Variants in COL4A5 observed in about 807,000 individuals in gnomAD.
COL4A5 encodes collagen alpha-5(IV) chain.
In COL4A5, 26 loss-of-function variants were observed where a neutral mutation model predicts 130.2. The ratio of observed to expected loss-of-function variants is 0.20; its 90% CI spans 0.15 to 0.28. COL4A5 has a LOEUF of 0.28. COL4A5 is among the 10% of genes least tolerant of loss of function. The probability of loss-of-function intolerance (pLI) is 1.00; values close to 1 mark genes in which losing one functional copy is unlikely to be tolerated. For missense variants in COL4A5, 1,131 were observed against 1,344.3 expected (o/e 0.84, Z 2.48); for synonymous variants, 496 against 439.6 (o/e 1.13, Z -1.60).
rs5973834 is a variant in COL4A5, at chrX:108,562,257, G to A, written c.232-1625G>A. ...TGAGGTGGCAACTCCAATGGACTGA[G>A]ATTAAACTTCAGCCATGTTATAGAA... On this transcript the variant is annotated intron_variant, in intron 3 of 52. Coordinates refer to ENST00000328300, the MANE Select transcript of COL4A5 (RefSeq NM_033380.3). 4.2e-3 allele frequency among the ~76,000 whole-genome samples: 467 copies of A among 111,760 alleles called. 3 individuals carry two copies. The highest frequency in any genetic ancestry group is 0.014 in the African/African-American group (417 of 30,818).
At chrX:108,628,889 G>A (rs1355253491) in intron 36 of COL4A5, among the ~76,000 whole-genome samples, 4 of 111,844 alleles carry the variant, frequency 3.6e-5, no homozygotes, top group African/African-American at 1.3e-4. Context: ...CCTTCAAGGA[G>A]CTTATATTTA....
Position 108,606,623 on chromosome X carries a change from T to C in COL4A5, c.2245-119T>C, listed in dbSNP as rs1603293480. On this transcript the variant is annotated intron_variant, in intron 28 of 52. Transcript: ENST00000328300. ...CTTTTTATTTAATTATCTTCTCCTC[T>C]CCCCCCATGGAAGGAAAAGTATTGT... The C allele has an allele frequency of 3.2e-5, 24 of 754,169 alleles. 1 individual carries two copies. In the East Asian group the frequency reaches 7.0e-4, roughly 22 times the overall value. 62.2% of individuals were successfully genotyped at this position (754,169 alleles called of 1,213,427 possible).
chrX:108,496,263 G>A (rs776843930), intron 1 of COL4A5, among the ~76,000 whole-genome samples: 43 of 111,071 alleles, frequency 3.9e-4, no homozygotes, highest in African/African-American at 1.4e-3. Context: ...TTATGTTTTC[G>A]TTTTCATTTT....
At chrX:108,471,751 C>A (rs180818997) in intron 1 of COL4A5, among the ~76,000 whole-genome samples, 25 of 111,434 alleles carry the variant, frequency 2.2e-4, no homozygotes, top group African/African-American at 7.8e-4. Flanking sequence ...TTTGCCCTTG[C>A]GGTATGAACT....
At chrX:108,508,578 A>G (rs1381171688) in intron 1 of COL4A5, among the ~76,000 whole-genome samples, 3 of 106,977 alleles carry the variant, frequency 2.8e-5, no homozygotes, top group African/African-American at 1.0e-4. Flanking sequence ...AAAAAAAAAA[A>G]AAAGACAAGA....
chrX:108,601,942 A>G lies in COL4A5; in HGVS notation c.2099A>G (p.Glu700Gly). 1 of 1,169,041 alleles carries G rather than the reference A, an allele frequency of 8.6e-7. No individual in the cohort carries two copies. Among genetic ancestry groups the G allele is most frequent in the Non-Finnish European group, 1.1e-6 (1 of 869,670 alleles). Residue 700 changes from glutamate to glycine, a missense_variant, in exon 27 of 53, where the codon GAA becomes GGA. Coordinates refer to ENST00000328300, the MANE Select transcript of COL4A5 (RefSeq NM_033380.3). ...CCAGGGATACCTGGTAGCAAAGGAGAACCAGGTATCCCTGGAATTGGGCTT... is the reference window on the plus strand; with the variant it reads ...CCAGGGATACCTGGTAGCAAAGGAGGACCAGGTATCCCTGGAATTGGGCTT... ...GLPGIPGSKG[E>G]PGIPGIGLPG...
chrX:108,460,826 T>A (rs1173355904), intron 1 of COL4A5, among the ~76,000 whole-genome samples: 1 of 108,847 alleles, frequency 9.2e-6, no homozygotes, highest in African/African-American at 3.3e-5. Flanking sequence ...AGGGTTTAAA[T>A]GTTTTAAAAT....
At position 108,687,551 on chromosome X, in the gene COL4A5, C is replaced by T; in HGVS notation, c.4385C>T (p.Ser1462Phe). The T allele has an allele frequency of 5.0e-6, 6 of 1,211,642 alleles. No homozygotes were observed. The highest frequency in any genetic ancestry group is 6.7e-6 in the Non-Finnish European group (6 of 895,473). The change falls in exon 49 of 53, where the codon TCC becomes TTC. Residue 1462 changes from serine (S) to phenylalanine (F), a missense_variant. Physicochemically the swap from Ser to Phe is radical, Grantham distance 155. Coordinates refer to ENST00000328300, the MANE Select transcript of COL4A5 (RefSeq NM_033380.3). ...LQGPPGPPGT[S>F]SVAHGFLITR... ...GGTCCCCCAGGTCCCCCTGGAACCT[C>T]CTCTGTTGCACATGGATTTCTTATT...
At chrX:108,664,462 T>G (rs2068033791) in intron 37 of COL4A5, among the ~76,000 whole-genome samples, 2 of 112,023 alleles carry the variant, frequency 1.8e-5, no homozygotes, top group South Asian at 7.3e-4. Flanking sequence ...AAAACCATAA[T>G]GCTTTTAGAG....
intron 36 of COL4A5, among the ~76,000 whole-genome samples, chrX:108,654,379 T>A (rs1232718445): frequency 1.8e-4 from 20 of 112,553 alleles, no homozygotes; most frequent in Admixed American, 1.3e-3. Context: ...CATGACAGAG[T>A]AAGAACCTAC....
chrX:108,576,788 C>T (rs1342538667), intron 10 of COL4A5, among the ~76,000 whole-genome samples: 1 of 112,229 alleles, frequency 8.9e-6, no homozygotes, highest in Non-Finnish European at 1.9e-5. Flanking sequence ...TGTTTGATAA[C>T]TGCTAGAAGA....
At chrX:108,445,411 A>G (rs944504551) in intron 1 of COL4A5, among the ~76,000 whole-genome samples, 2 of 111,885 alleles carry the variant, frequency 1.8e-5, no homozygotes, top group Non-Finnish European at 3.8e-5. Context: ...AAGTACTCAA[A>G]AATTCTATTT....
intron 1 of COL4A5, among the ~76,000 whole-genome samples, chrX:108,524,646 C>A (rs1316708020): frequency 9.0e-6 from 1 of 111,136 alleles, no homozygotes; most frequent in Non-Finnish European, 1.9e-5. Flanking sequence ...AAATTTATCT[C>A]TAATCACTGC....
chrX:108,561,946 G>A (rs2065905085), intron 3 of COL4A5, among the ~76,000 whole-genome samples: 1 of 111,689 alleles, frequency 9.0e-6, no homozygotes. Flanking sequence ...CTGAATGTGT[G>A]CATACAATTT....
rs962197972 is a variant in COL4A5 at position 108,571,278 on chromosome X, G to T, written c.385-135G>T. ...ATATTGAAGTAATTGGAAAGTGAAG[G>T]CTAATGAACTTTTTGGCAATCTGGC... On this transcript the variant is annotated intron_variant, in intron 6 of 52. Transcript: ENST00000328300. 6 of 480,244 alleles carry T rather than the reference G, an allele frequency of 1.2e-5. No individual in the cohort carries two copies. The African/African-American group carries it at 1.4e-4, about 11-fold the overall frequency. The allele number at this position is 480,244 out of a possible 1,213,427, so 39.6% of individuals were successfully genotyped here.
At chrX:108,686,007 GAA>G in intron 47 of COL4A5, 22 bp from the exon 48 acceptor site, 20 of 1,139,733 alleles carry the variant, frequency 1.8e-5, no homozygotes, top group Non-Finnish European at 2.4e-5. Context: ...ACTCATATTT[GAA>G]TGCCTCATTC....
intron 1 of COL4A5, among the ~76,000 whole-genome samples, chrX:108,481,078 A>T (rs1004829234): frequency 1.8e-5 from 2 of 111,139 alleles, no homozygotes; most frequent in Non-Finnish European, 3.8e-5. Flanking sequence ...TGACCACAGG[A>T]TGAGTCTGGG....
Position 108,660,308 on chromosome X carries a change from A to G in COL4A5, c.3373+4851A>G, listed in dbSNP as rs754127793. Among the ~76,000 whole-genome samples the G allele has an allele frequency of 2.7e-5, 3 of 111,445 alleles. No individual in the cohort carries two copies. In the East Asian group the frequency reaches 8.4e-4, roughly 31 times the overall value. On this transcript the variant is annotated intron_variant, in intron 37 of 52. Transcript: ENST00000328300. Reference sequence around the variant, plus strand: ...CATGAGAAACAAAACCAATTTTCATATTTACCAACATATTTACATTTCTAC... The same window carrying G: ...CATGAGAAACAAAACCAATTTTCATGTTTACCAACATATTTACATTTCTAC...
At chrX:108,607,003 A>G (rs2066740133) in intron 29 of COL4A5, 111 bp downstream of exon 29, 2 of 745,810 alleles carry the variant, frequency 2.7e-6, no homozygotes, top group South Asian at 2.2e-5. Context: ...CTATGCTGCC[A>G]TTCTGTTACT....
Sources: allele counts gnomAD v4.1 joint callset (sites outside exome capture counted in the v4.1 genomes callset), GRCh38; gene constraint gnomAD v4.1.1; transcripts MANE v1.5; gene names NCBI Gene and HGNC (gene_info 2026-07-23, HGNC 2026-07-21).